Variants in POLG2 observed in about 807,000 individuals in gnomAD.
POLG2 encodes DNA polymerase gamma 2, accessory subunit, also known as DNA polymerase subunit gamma-2.
In POLG2, 50 loss-of-function variants were observed where a neutral mutation model predicts 56.5. That is an observed-to-expected ratio of 0.88 (90% CI 0.71 to 1.12). The LOEUF is 1.12. POLG2 is among the 50% of genes most tolerant of loss of function. The pLI, the probability that POLG2 is intolerant of heterozygous loss-of-function variation, is 0.00. For synonymous variants in POLG2, 226 were observed against 222.6 expected (o/e 1.02, Z -0.14); for missense variants, 584 against 583.3 (o/e 1.00, Z -0.01).
intron 4 of POLG2, 41 bp downstream of exon 4, chr17:64,490,755 A>T: frequency 6.7e-7 from 1 of 1,487,600 alleles, no homozygotes; most frequent in Non-Finnish European, 9.4e-7. Flanking sequence ...ATTATAGAGA[A>T]TCTGGGTAAA....
intron 4 of POLG2, among the ~76,000 whole-genome samples, chr17:64,489,579 A>C (rs2038020696): frequency 1.3e-5 from 2 of 151,852 alleles, no homozygotes; most frequent in African/African-American, 2.4e-5. Flanking sequence ...CGGGCAACAA[A>C]GCTAGACCCC....
chr17:64,492,205 T>C (rs896351289), intron 3 of POLG2, among the ~76,000 whole-genome samples: 1 of 152,198 alleles, frequency 6.6e-6, no homozygotes, highest in Admixed American at 6.5e-5. Flanking sequence ...TAAATGGGTA[T>C]TTGGGGATGT....
Position 64,492,715 on chromosome 17 carries a change from G to C in POLG2, c.747C>G (p.Asn249Lys), listed in dbSNP as rs1568090386. ...LVWFTPPRTS[N>K]QWLDFWLRHR... ...GACGTAACCAGAAATCAAGCCACTG[G>C]TTTGAAGTTCTCGGAGGAGTAAACC... Residue 249 changes from asparagine to lysine, a missense_variant, in exon 3 of 8, where the codon AAC becomes AAG. Transcript: ENST00000539111. 2 of 1,613,272 alleles carry C rather than the reference G, an allele frequency of 1.2e-6. No homozygotes were observed. The highest frequency in any genetic ancestry group is 1.7e-6 in the Non-Finnish European group (2 of 1,179,648).
At chr17:64,481,836 C>T (rs1555666530) in intron 6 of POLG2, among the ~76,000 whole-genome samples, 3 of 151,694 alleles carry the variant, frequency 2.0e-5, no homozygotes, top group Admixed American at 6.6e-5. Context: ...GATCGTGCCA[C>T]TGCACTCCAG....
chr17:64,478,020 G>A lies in POLG2; in HGVS notation c.1293-32C>T, dbSNP rs369011098. On this transcript the variant is annotated intron_variant, in intron 7 of 7. Coordinates refer to ENST00000539111, the MANE Select transcript of POLG2 (RefSeq NM_007215.4). ...AAAAAGTAGTTAAACAGACACATGA[G>A]CACAAATGTAAATAATAAATTCCTC... The A allele has an allele frequency of 2.5e-5, 40 of 1,603,090 alleles. No homozygotes were observed. The African/African-American group carries it at 4.7e-4, about 19-fold the overall frequency.
At position 64,480,344 on chromosome 17, in the gene POLG2, C is replaced by T. The variant is rs376812781; in HGVS notation, c.1237G>A (p.Val413Met). 1.9e-6 allele frequency: 3 copies of T among 1,600,734 alleles called. No individual in the cohort carries two copies. The highest frequency in any genetic ancestry group is 2.7e-5 in the African/African-American group (2 of 74,588). ...FNELLENGIS[V>M]WPGYLETMQS... ...ATAGTTTCCAAATAACCAGGCCACA[C>T]AGAAATCCCATTTTCTAGTAACTCA... The change falls in exon 7 of 8, where the codon GTG (valine) becomes ATG (methionine). Residue 413 changes from valine (V) to methionine (M), a missense_variant. Transcript: ENST00000539111.
At chr17:64,493,474 T>C (rs2038098234) in intron 1 of POLG2, among the ~76,000 whole-genome samples, 2 of 151,902 alleles carry the variant, frequency 1.3e-5, no homozygotes, top group South Asian at 4.1e-4. Flanking sequence ...CACCCTGAGT[T>C]TTTAGTTTGA....
Position 64,492,976 on chromosome 17 carries a change from CT to C in POLG2, c.607del (p.Arg203GlyfsTer37). The C allele has an allele frequency of 1.2e-6, 2 of 1,614,046 alleles. No homozygotes were observed. The highest frequency in any genetic ancestry group is 1.1e-5 in the South Asian group (1 of 91,078). On this transcript the variant is annotated frameshift_variant, in exon 2 of 8. Transcript: ENST00000539111. LOFTEE classifies it high-confidence loss of function. Reference protein sequence around the residue: ...YVNCLDLVNKRLPYGLAQIGV... With the variant: ...YVNCLDLVNKXLPYGLAQIGV... ...AATCTGAGCAAGGCCATAAGGTAGC[CT>C]CTTGTTTACCAGATCCAGGCAATTA...
chr17:64,496,548 C>G lies in POLG2; in HGVS notation c.421G>C (p.Gly141Arg). The change falls in exon 1 of 8, where the codon GGG becomes CGG. Residue 141 changes from glycine (G) to arginine (R), a missense_variant. Gly to Arg is a moderately radical substitution (Grantham distance 125). Transcript: ENST00000539111. ...GAAACTAACCTGAAGGCACTGTCCC[C>G]GGGTAGCAAAGGGCCTGGTTTGTGG... ...LHHKPGPLLP[G>R]DSAFRLVSAE... 1 of 1,613,924 alleles carries G rather than the reference C, an allele frequency of 6.2e-7. No homozygotes were observed. Among genetic ancestry groups the G allele is most frequent in the Non-Finnish European group, 8.5e-7 (1 of 1,179,854 alleles).
intron 1 of POLG2, among the ~76,000 whole-genome samples, chr17:64,495,776 T>A (rs1184009294): frequency 6.6e-6 from 1 of 152,030 alleles, no homozygotes; most frequent in African/African-American, 2.4e-5. Flanking sequence ...TGGCGTGATC[T>A]CGGCTCACTG....
intron 4 of POLG2, among the ~76,000 whole-genome samples, chr17:64,490,032 C>T (rs1335838702): frequency 6.6e-6 from 1 of 151,788 alleles, no homozygotes; most frequent in Non-Finnish European, 1.5e-5. Flanking sequence ...TCAAGCGATT[C>T]TCCTGCCTCA....
intron 5 of POLG2, chr17:64,485,144 C>G (rs960893375): frequency 6.6e-6 from 1 of 152,592 alleles, no homozygotes; most frequent in East Asian, 1.9e-4. Context: ...GCTCTTGATC[C>G]CATCCTGACC....
At chr17:64,478,098 A>G (rs2037797559) in intron 7 of POLG2, 110 bp from the exon 8 acceptor site, 2 of 1,125,466 alleles carry the variant, frequency 1.8e-6, no homozygotes, top group Non-Finnish European at 2.6e-6. Flanking sequence ...TCACAGACTC[A>G]GGGCTTAAGG....
intron 6 of POLG2, among the ~76,000 whole-genome samples, chr17:64,481,769 G>A (rs904100348): frequency 1.3e-5 from 2 of 152,008 alleles, no homozygotes; most frequent in African/African-American, 4.8e-5. Flanking sequence ...CATCTACTAG[G>A]GAGGCTGAGG....
intron 4 of POLG2, among the ~76,000 whole-genome samples, chr17:64,488,261 T>G (rs1177129765): frequency 6.6e-6 from 1 of 151,906 alleles, no homozygotes; most frequent in Non-Finnish European, 1.5e-5. Context: ...GCATACTAAA[T>G]GACAGAAATT....
In POLG2 at chr17:64,496,687, C is replaced by T. The variant is rs781917596; in HGVS notation, c.282G>A (p.Gly94=). ...CCAAGGGTCCGAAGCCGGGGTGGCACCCACTCAGAAGAGAATCCCGGCTAA... is the reference window on the plus strand; with the variant it reads ...CCAAGGGTCCGAAGCCGGGGTGGCATCCACTCAGAAGAGAATCCCGGCTAA... ...QQLSRDSLLS[G]CHPGFGPLGV... is the part of the protein sequence containing the mutation. Residue 94 remains glycine (G), a synonymous_variant, in exon 1 of 8, where the codon GGG becomes GGA. Transcript: ENST00000539111. 3 of 1,614,014 alleles carry T rather than the reference C, an allele frequency of 1.9e-6. No individual in the cohort carries two copies. Among genetic ancestry groups the T allele is most frequent in the South Asian group, 2.2e-5 (2 of 91,070 alleles).
In POLG2 at chr17:64,480,967, TAA is replaced by T. The variant is rs1289479626; in HGVS notation, c.1192-580_1192-579del. On this transcript the variant is annotated intron_variant, in intron 6 of 7. Coordinates refer to ENST00000539111, the MANE Select transcript of POLG2 (RefSeq NM_007215.4). ...AAGTAACGATGAATAAATGACACAG[TAA>T]ACTTAACTGTTTTCTTTACAAGCAA... Among the ~76,000 whole-genome samples the T allele has an allele frequency of 2.0e-5, 3 of 152,322 alleles. No individual in the cohort carries two copies. In the East Asian group the frequency reaches 5.8e-4, roughly 29 times the overall value.
Position 64,497,015 on chromosome 17 carries a change from C to A in POLG2, c.-47G>T. The A allele has an allele frequency of 6.5e-7, 1 of 1,543,834 alleles. No homozygotes were observed. The highest frequency in any genetic ancestry group is 1.1e-5 in the South Asian group (1 of 89,872). On this transcript the variant is annotated 5_prime_UTR_variant, in exon 1 of 8. Coordinates refer to ENST00000539111, the MANE Select transcript of POLG2 (RefSeq NM_007215.4). ...ACACTCTCCCATCACTCAACGGATC[C>A]CAACAAGCCACCACTACCGTTAACA...
At chr17:64,491,039 G>C (rs2038049466) in intron 3 of POLG2, 70 bp from the exon 4 acceptor site, 4 of 1,167,128 alleles carry the variant, frequency 3.4e-6, no homozygotes, top group East Asian at 2.4e-5. Context: ...ATAATTATCT[G>C]TAAGAATTTA....
Sources: allele counts gnomAD v4.1 joint callset (sites outside exome capture counted in the v4.1 genomes callset), GRCh38; gene constraint gnomAD v4.1.1; transcripts MANE v1.5; gene names NCBI Gene and HGNC (gene_info 2026-07-23, HGNC 2026-07-21).